The following PTPN3 variants were observed in gnomAD, a reference collection of about 807,000 sequenced individuals.
PTPN3 encodes the protein protein tyrosine phosphatase non-receptor type 3, also known as tyrosine-protein phosphatase non-receptor type 3.
Under a neutral mutation model 132.7 loss-of-function variants are expected in PTPN3, and 96 were observed. The observed-to-expected ratio is 0.72, with a 90% CI of 0.61 to 0.86. PTPN3 has a LOEUF of 0.86. Among genes scored for constraint, PTPN3 ranks in the 40% least tolerant of loss-of-function variants. The probability of loss-of-function intolerance (pLI) is 0.00; values close to 1 mark genes in which losing one functional copy is unlikely to be tolerated. For synonymous variants in PTPN3, 398 were observed against 429.0 expected, an observed-to-expected ratio of 0.93 and a Z score of 0.89; for missense variants, 1,125 against 1,159.6, an observed-to-expected ratio of 0.97 and a Z score of 0.43.
the PTPN3 span, among the ~76,000 whole-genome samples, chr9:109,510,573 AAAAAT>A: frequency 1.4e-4 from 7 of 50,848 alleles, no homozygotes; most frequent in Non-Finnish European, 2.9e-4. Context: ...AAAAAAAAAA[AAAAAT>A]ATATATATAT....
intron 12 of PTPN3, among the ~76,000 whole-genome samples, chr9:109,424,290 C>T (rs572130248): frequency 5.3e-5 from 8 of 152,314 alleles, no homozygotes; most frequent in Admixed American, 5.2e-4. Context: ...CCCTTCTAAG[C>T]CTCAGTGTCC....
At chr9:109,391,271 G>A in intron 20 of PTPN3, 72 bp from the exon 21 acceptor site, 1 of 1,457,570 alleles carries the variant, frequency 6.9e-7, no homozygotes, top group Non-Finnish European at 9.5e-7. Flanking sequence ...CCAGAGTTCA[G>A]TTCCCAGCCC....
At chr9:109,490,445 C>T (rs532484213) in intron 1 of PTPN3, among the ~76,000 whole-genome samples, 2 of 152,124 alleles carry the variant, frequency 1.3e-5, no homozygotes, top group East Asian at 1.9e-4. Context: ...TTTCCAAAAA[C>T]GTCAAGGTCT....
intron 14 of PTPN3, chr9:109,417,735 A>G: frequency 2.0e-6 from 2 of 985,348 alleles, no homozygotes; most frequent in South Asian, 9.4e-5. Context: ...CCACTTGCAG[A>G]GCACAGTCAC....
At chr9:109,475,992 G>A (rs1384315499) in intron 1 of PTPN3, among the ~76,000 whole-genome samples, 1 of 152,140 alleles carries the variant, frequency 6.6e-6, no homozygotes, top group African/African-American at 2.4e-5. Context: ...CATCTTATTT[G>A]TCTCTGATCA....
At chr9:109,476,263 T>C (rs1396926069) in intron 1 of PTPN3, among the ~76,000 whole-genome samples, 3 of 151,970 alleles carry the variant, frequency 2.0e-5, no homozygotes, top group African/African-American at 7.3e-5. Flanking sequence ...AATGAAACTC[T>C]TTAAAAAGAC....
intron 2 of PTPN3, among the ~76,000 whole-genome samples, chr9:109,457,932 T>A (rs925284336): frequency 2.6e-5 from 4 of 152,178 alleles, no homozygotes; most frequent in African/African-American, 7.2e-5. Context: ...TGCCACCCTG[T>A]GGGATTATCT....
intron 10 of PTPN3, among the ~76,000 whole-genome samples, chr9:109,431,134 A>G (rs73525152): frequency 0.027 from 4,115 of 152,228 alleles, 178 homozygotes; most frequent in African/African-American, 0.093. Flanking sequence ...AGCCATCTTG[A>G]TGTTGAAGGG....
Position 109,391,486 on chromosome 9 carries a change from T to C in PTPN3, c.2029A>G (p.Lys677Glu), listed in dbSNP as rs1840093141. The stretch of plus-strand genomic sequence containing the variant: ...GGATACTCACAAGGCAGCACATCTT[T>C]ATATCGGTTTTTGTCCAAATTTTGA... ...LPQNLDKNRY[K>E]DVLPYDTTRV... is the part of the protein sequence containing the mutation. Residue 677 changes from lysine to glutamate, a missense_variant, in exon 20 of 26, where the codon AAA (lysine) becomes GAA (glutamate). Physicochemically the swap from Lys to Glu is moderately conservative, Grantham distance 56 (BLOSUM62 1). Transcript: ENST00000374541. 6.2e-7 allele frequency: 1 copy of C among 1,613,314 alleles called. No homozygotes were observed. The highest frequency in any genetic ancestry group is 1.3e-5 in the African/African-American group (1 of 74,916).
intron 9 of PTPN3, among the ~76,000 whole-genome samples, chr9:109,434,858 C>T (rs913131337): frequency 6.6e-6 from 1 of 152,190 alleles, no homozygotes; most frequent in South Asian, 2.1e-4. Flanking sequence ...ACATAAGAAA[C>T]GTCCATTCCC....
chr9:109,457,105 G>A (rs1342053215), intron 4 of PTPN3, 68 bp downstream of exon 4: 1 of 1,519,182 alleles, frequency 6.6e-7, no homozygotes, highest in Non-Finnish European at 9.1e-7. Flanking sequence ...ACTGACGATT[G>A]GAGGGGAGAA....
chr9:109,382,239 T>C (rs1564369050), intron 24 of PTPN3, 63 bp downstream of exon 24: 1 of 1,559,078 alleles, frequency 6.4e-7, no homozygotes, highest in African/African-American at 1.4e-5. Flanking sequence ...GCCTGCCAAT[T>C]GTCTCCAGGC....
At chr9:109,447,023 T>C (rs1844911095) in intron 6 of PTPN3, among the ~76,000 whole-genome samples, 1 of 152,140 alleles carries the variant, frequency 6.6e-6, no homozygotes, top group South Asian at 2.1e-4. Flanking sequence ...CAGTTACAAA[T>C]ACACAAATCC....
rs1318853785 is a variant in PTPN3, at chr9:109,433,095, T to C, written c.742A>G (p.Ile248Val). 3 of 1,614,144 alleles carry C rather than the reference T, an allele frequency of 1.9e-6. No individual in the cohort carries two copies. The highest frequency in any genetic ancestry group is 2.5e-6 in the Non-Finnish European group (3 of 1,180,010). The change falls in exon 10 of 26, where the codon ATT becomes GTT. Residue 248 changes from isoleucine (I) to valine (V), a missense_variant. Physicochemically the swap from Ile to Val is conservative, Grantham distance 29. Transcript: ENST00000374541. Reference protein sequence around the residue: ...SAGVAVYRKYICTSFYPWVNI... With the variant: ...SAGVAVYRKYVCTSFYPWVNI... The stretch of plus-strand genomic sequence containing the variant: ...TACCAAGGATAGAAACTTGTGCAAA[T>C]GTATTTTCGGTACACAGCAACACCC...
intron 23 of PTPN3, 89 bp downstream of exon 23, chr9:109,383,334 T>G (rs60574269): frequency 0.037 from 59,423 of 1,605,576 alleles, 1,690 homozygotes; most frequent in East Asian, 0.15. Flanking sequence ...GCAAACAGAG[T>G]GCACACCTAG....
chr9:109,433,257 T>G (rs1472357002), intron 9 of PTPN3, 96 bp from the exon 10 acceptor site: 1 of 1,505,004 alleles, frequency 6.6e-7, no homozygotes, highest in Non-Finnish European at 8.9e-7. Flanking sequence ...AATAGTCATA[T>G]GTATAGGCTC....
At chr9:109,450,041 T>A in intron 5 of PTPN3, 1 of 983,646 alleles carries the variant, frequency 1.0e-6, no homozygotes, top group Non-Finnish European at 1.2e-6. Flanking sequence ...ATATGTGAGG[T>A]CAATTGTGTC....
intron 1 of PTPN3, among the ~76,000 whole-genome samples, chr9:109,482,696 G>A (rs1342907889): frequency 6.6e-6 from 1 of 152,018 alleles, no homozygotes; most frequent in East Asian, 1.9e-4. Context: ...ACTATCCACT[G>A]TCTGCCCTGC....
chr9:109,449,067 G>T, intron 5 of PTPN3: 1 of 1,374,546 alleles, frequency 7.3e-7, no homozygotes, highest in Non-Finnish European at 9.3e-7. Flanking sequence ...CGTCTTGACT[G>T]GTGGGGGCAA....
Sources: gnomAD v4.1 joint callset for allele counts (sites outside exome capture counted in the v4.1 genomes callset) on GRCh38, gnomAD v4.1.1 for gene constraint, MANE v1.5 for transcripts, NCBI Gene and HGNC (gene_info 2026-07-23, HGNC 2026-07-21) for gene names.